DIS3L: variants seen among roughly 807,000 people sequenced by gnomAD.
The protein encoded by DIS3L is DIS3 like exosome 3'-5' exoribonuclease, also known as DIS3-like exonuclease 1.
A neutral mutation model predicts 120.3 loss-of-function variants in DIS3L; 100 were observed. That is an observed-to-expected ratio of 0.83 (90% CI 0.71 to 0.98). The LOEUF is 0.98. Among genes scored for constraint, DIS3L ranks in the 50% least tolerant of loss-of-function variants. The probability of loss-of-function intolerance (pLI) is 0.00; values close to 1 mark genes in which losing one functional copy is unlikely to be tolerated. For missense variants in DIS3L, 1,196 were observed against 1,314.2 expected, an observed-to-expected ratio of 0.91 and a Z score of 1.39; for synonymous variants, 426 against 470.6, an observed-to-expected ratio of 0.91 and a Z score of 1.23.
rs767159031 is a variant in DIS3L at position 66,295,088 on chromosome 15, A to T, written c.240A>T (p.Gly80=). 1 of 1,614,114 alleles carries T rather than the reference A, an allele frequency of 6.2e-7. No individual in the cohort carries two copies. Among genetic ancestry groups the T allele is most frequent in the East Asian group, 2.2e-5 (1 of 44,880 alleles). The part of the protein sequence containing the change: ...LEILEFPELK[G]IIFMQTACQA... ...TCCTTGAGTTTCCTGAGTTGAAGGG[A>T]ATTATTTTCATGCAGACAGCTTGTC... Residue 80 remains glycine (G), a synonymous_variant, in exon 2 of 17, where the codon GGA becomes GGT. Coordinates refer to ENST00000319212, the MANE Select transcript of DIS3L (RefSeq NM_001143688.3).
chr15:66,317,823 T>C (rs986243496), intron 7 of DIS3L, among the ~76,000 whole-genome samples: 1 of 147,184 alleles, frequency 6.8e-6, no homozygotes, highest in Non-Finnish European at 1.5e-5. Context: ...CTGGGCAGCA[T>C]AGTGAGATCC....
At chr15:66,329,165 G>A (rs376096756) in intron 13 of DIS3L, 41 bp downstream of exon 13, 14 of 1,590,164 alleles carry the variant, frequency 8.8e-6, no homozygotes, top group South Asian at 3.4e-5. Context: ...GTAACTTTGC[G>A]CTAGTTATTT....
At chr15:66,323,208 T>C (rs1302953362) in intron 10 of DIS3L, among the ~76,000 whole-genome samples, 3 of 152,266 alleles carry the variant, frequency 2.0e-5, no homozygotes, top group African/African-American at 7.2e-5. Context: ...TTTTTAAAAA[T>C]ACTGGATCAT....
At position 66,315,313 on chromosome 15, in the gene DIS3L, ATTTAT is replaced by A. The variant is rs1323292111; in HGVS notation, c.994+106_994+110del. Reference sequence around the variant, plus strand: ...CAGAAATACTGCCCTTATTTTATTTATTTATTTTATTTAAATTGACAAAAACTGTA... The same window carrying A: ...CAGAAATACTGCCCTTATTTTATTTATTTATTTAAATTGACAAAAACTGTA... On this transcript the variant is annotated intron_variant, in intron 7 of 16. Transcript: ENST00000319212. 1.1e-5 allele frequency: 13 copies of A among 1,148,844 alleles called. No homozygotes were observed. In the East Asian group the frequency reaches 2.7e-4, roughly 23 times the overall value. The allele number at this position is 1,148,844 out of a possible 1,614,324, so 71.2% of individuals were successfully genotyped here. A position where few individuals can be genotyped will look rare whatever the true frequency, so the allele number is the denominator to read the frequency against.
chr15:66,303,331 G>A lies in DIS3L; in HGVS notation c.294-3493G>A, dbSNP rs145926714. On this transcript the variant is annotated intron_variant, in intron 2 of 16. Transcript: ENST00000319212. ...TACCCAGAAGTGGGATTACTGGATC[G>A]TATGGTATGTCTATTTTTCCTTTCT... Among the ~76,000 whole-genome samples the A allele has an allele frequency of 2.0e-3, 303 of 152,264 alleles. 2 individuals carry two copies. Among genetic ancestry groups the A allele is most frequent in the African/African-American group, 6.9e-3 (287 of 41,544 alleles).
In DIS3L at chr15:66,333,063, T is replaced by C. The variant is rs1595773059; in HGVS notation, c.2916T>C (p.Ile972=). 6.2e-7 allele frequency: 1 copy of C among 1,613,206 alleles called. No homozygotes were observed. Among genetic ancestry groups the C allele is most frequent in the African/African-American group, 1.3e-5 (1 of 74,912 alleles). Residue 972 remains isoleucine (I), a synonymous_variant, in exon 17 of 17, where the codon ATT becomes ATC. Coordinates refer to ENST00000319212, the MANE Select transcript of DIS3L (RefSeq NM_001143688.3). ...CHSDTIRLEI[I]SNKPYKIPNT... ...CTGATACAATCAGACTTGAAATAAT[T>C]AGTAACAAACCATACAAGATACCAA...
chr15:66,309,094 A>AAAATATATAT, intron 4 of DIS3L, among the ~76,000 whole-genome samples: 2 of 15,312 alleles, frequency 1.3e-4, no homozygotes, highest in Non-Finnish European at 1.2e-4. Flanking sequence ...AAAAAAAAAA[A>AAAATATATAT]ATATATATAT....
intron 3 of DIS3L, among the ~76,000 whole-genome samples, chr15:66,307,573 A>T (rs1227976155): frequency 6.6e-6 from 1 of 152,174 alleles, no homozygotes; most frequent in African/African-American, 2.4e-5. Flanking sequence ...AAGTGCTGGG[A>T]TTATAGATGT....
intron 14 of DIS3L, chr15:66,330,390 T>C (rs2092987822): frequency 3.0e-6 from 3 of 985,310 alleles, no homozygotes; most frequent in South Asian, 4.7e-5. Flanking sequence ...ATCATTGTTT[T>C]GAAGCTGCTT....
intron 12 of DIS3L, among the ~76,000 whole-genome samples, chr15:66,327,573 C>A (rs150236332): frequency 0.028 from 4,254 of 151,590 alleles, 187 homozygotes; most frequent in African/African-American, 0.097. Context: ...CTGGCTAACA[C>A]GGTGAAACCC....
Position 66,333,074 on chromosome 15 carries a change from C to T in DIS3L, c.2927C>T (p.Pro976Leu), listed in dbSNP as rs376687679. ...TIRLEIISNK[P>L]YKIPNTELIH... ...AGACTTGAAATAATTAGTAACAAAC[C>T]ATACAAGATACCAAATACAGAACTT... The change falls in exon 17 of 17, where the codon CCA (proline) becomes CTA (leucine). Residue 976 changes from proline (P) to leucine (L), a missense_variant. Pro to Leu is a moderately conservative substitution (Grantham distance 98, BLOSUM62 -3). Transcript: ENST00000319212. 26 of 1,613,258 alleles carry T rather than the reference C, an allele frequency of 1.6e-5. No homozygotes were observed. Among genetic ancestry groups the T allele is most frequent in the East Asian group, 2.2e-5 (1 of 44,876 alleles).
chr15:66,296,672 C>T (rs533962897), intron 2 of DIS3L, among the ~76,000 whole-genome samples: 9 of 151,912 alleles, frequency 5.9e-5, no homozygotes, highest in Admixed American at 3.3e-4. Flanking sequence ...TACAGGTGCA[C>T]GCCACCACGC....
In DIS3L at chr15:66,332,887, T is replaced by G. The variant is rs149365276; in HGVS notation, c.2833T>G (p.Phe945Val). The G allele has an allele frequency of 1.9e-6, 3 of 1,612,090 alleles. No homozygotes were observed. Among genetic ancestry groups the G allele is most frequent in the Middle Eastern group, 1.7e-4 (1 of 6,052 alleles). The part of the protein sequence containing the change: ...STTTDGESVT[F>V]HLFDHVTVRI... ...TACAACAGATGGGGAATCTGTTACGTTCCATTTGTTTGACCATGTAACCGT... is the reference window on the plus strand; with the variant it reads ...TACAACAGATGGGGAATCTGTTACGGTCCATTTGTTTGACCATGTAACCGT... Residue 945 changes from phenylalanine (F) to valine (V), a missense_variant, in exon 16 of 17, where the codon TTC (phenylalanine) becomes GTC (valine). Phe to Val is a conservative substitution (Grantham distance 50). Coordinates refer to ENST00000319212, the MANE Select transcript of DIS3L (RefSeq NM_001143688.3).
At chr15:66,304,298 C>A (rs1434572923) in intron 2 of DIS3L, among the ~76,000 whole-genome samples, 1 of 150,886 alleles carries the variant, frequency 6.6e-6, no homozygotes, top group Non-Finnish European at 1.5e-5. Context: ...AAAAAAAATA[C>A]AAAAATTAGC....
Position 66,308,826 on chromosome 15 carries a change from A to G in DIS3L, c.540A>G (p.Val180=), listed in dbSNP as rs1466218458. ...AGTATGGAAGTGAAACAGAAGGAGTATTCGTGATTACTTTCAAGGTATTTC... is the reference window on the plus strand; with the variant it reads ...AGTATGGAAGTGAAACAGAAGGAGTGTTCGTGATTACTTTCAAGGTATTTC... ...IQQYGSETEG[V]FVITFKNYLD... The change falls in exon 4 of 17, where the codon GTA becomes GTG. Residue 180 remains valine, a synonymous_variant. Coordinates refer to ENST00000319212, the MANE Select transcript of DIS3L (RefSeq NM_001143688.3). 1 of 1,613,226 alleles carries G rather than the reference A, an allele frequency of 6.2e-7. No homozygotes were observed. The highest frequency in any genetic ancestry group is 2.2e-5 in the East Asian group (1 of 44,860).
At chr15:66,321,525 A>C (rs1282655804) in intron 9 of DIS3L, among the ~76,000 whole-genome samples, 1 of 152,148 alleles carries the variant, frequency 6.6e-6, no homozygotes, top group African/African-American at 2.4e-5. Flanking sequence ...GCACTTTGGG[A>C]GGCCAAGGCA....
chr15:66,297,533 C>T (rs2092601421), intron 2 of DIS3L, among the ~76,000 whole-genome samples: 1 of 152,160 alleles, frequency 6.6e-6, no homozygotes, highest in Non-Finnish European at 1.5e-5. Context: ...TTAGCATATG[C>T]ATTACTTTAC....
chr15:66,300,391 G>T (rs2092635269), intron 2 of DIS3L, among the ~76,000 whole-genome samples: 1 of 152,194 alleles, frequency 6.6e-6, no homozygotes, highest in Admixed American at 6.5e-5. Flanking sequence ...GGGGGCTGGG[G>T]TCAAGGGGAA....
chr15:66,318,717 C>A, intron 8 of DIS3L, 99 bp downstream of exon 8: 2 of 1,264,038 alleles, frequency 1.6e-6, no homozygotes, highest in Non-Finnish European at 2.2e-6. Context: ...AATTCCTTTG[C>A]ATATAAAGAA....
Sources: allele counts gnomAD v4.1 joint callset (sites outside exome capture counted in the v4.1 genomes callset), GRCh38; gene constraint gnomAD v4.1.1; transcripts MANE v1.5; gene names NCBI Gene and HGNC (gene_info 2026-07-23, HGNC 2026-07-21).